LRRC71: variants seen among roughly 807,000 people sequenced by gnomAD.
The protein encoded by LRRC71 is leucine-rich repeat-containing protein 71.
LRRC71 carries 54 observed loss-of-function variants against 66.6 expected under a neutral mutation model. That is an observed-to-expected ratio of 0.81 (90% CI 0.65 to 1.02). The LOEUF (loss-of-function observed/expected upper bound fraction) is 1.02. Ranked by LOEUF, LRRC71 falls within the 50% of genes least tolerant of loss-of-function variation. The pLI, the probability that LRRC71 is intolerant of heterozygous loss-of-function variation, is 0.00. For missense variants in LRRC71, 724 were observed against 718.0 expected (o/e 1.01, Z -0.10); for synonymous variants, 323 against 303.9 (o/e 1.06, Z -0.65).
chr1:156,929,642 G>T lies in LRRC71; in HGVS notation c.1153G>T (p.Ala385Ser). 1.3e-6 allele frequency: 2 copies of T among 1,584,302 alleles called. No individual in the cohort carries two copies. The highest frequency in any genetic ancestry group is 1.7e-6 in the Non-Finnish European group (2 of 1,165,292). ...CTTCTCACATTCTCCACAGGAATTG[G>T]CCAAGAAAGAGGAGAAGTTGGGGTC... Reference protein sequence around the residue: ...GKKKEKSWELAKKEEKLGSGQ... With the variant: ...GKKKEKSWELSKKEEKLGSGQ... The change falls in exon 11 of 15, where the codon GCC (alanine) becomes TCC (serine). Residue 385 changes from alanine (A) to serine (S), a missense_variant. Transcript: ENST00000337428.
the LRRC71 span, chr1:156,938,465 T>G: frequency 6.2e-7 from 1 of 1,613,892 alleles, no homozygotes; most frequent in Non-Finnish European, 8.5e-7. Context: ...AGGCTCTGAC[T>G]GGCCACTCTC....
intron 9 of LRRC71, among the ~76,000 whole-genome samples, chr1:156,928,487 C>T (rs867320071): frequency 1.5e-5 from 2 of 129,660 alleles, no homozygotes; most frequent in African/African-American, 3.5e-5. Flanking sequence ...TCTTCCTCCT[C>T]CTCCTCTTCT....
the LRRC71 span, chr1:156,939,400 G>A: frequency 1.9e-6 from 2 of 1,057,810 alleles, no homozygotes; most frequent in South Asian, 1.5e-5. Context: ...GCCTGATATC[G>A]GCGTTGTCTC....
At chr1:156,924,896 GGC>G in intron 4 of LRRC71, 40 bp from the exon 5 acceptor site, 1 of 1,548,488 alleles carries the variant, frequency 6.5e-7, no homozygotes, top group Non-Finnish European at 8.7e-7. Flanking sequence ...AGTAGGAGGG[GGC>G]GCTCTAGCTC....
chr1:156,920,946 A>C lies in LRRC71; in HGVS notation c.143A>C (p.Glu48Ala). The change falls in exon 1 of 15, where the codon GAG (glutamate) becomes GCG (alanine). Residue 48 changes from glutamate to alanine, a missense_variant. Glu to Ala is a moderately radical substitution (Grantham distance 107, BLOSUM62 -1). Transcript: ENST00000337428. The surrounding 1 kb of genome is among the most constrained non-coding windows in gnomAD (Gnocchi z 4.9). Reference protein sequence around the residue: ...PATVLPPVGEEEPKSPEEYQC... With the variant: ...PATVLPPVGEAEPKSPEEYQC... ...ACCGTTCTGCCTCCCGTGGGGGAGGAGGAGCCCAAAAGCCCTGGTACGCTG... is the reference window on the plus strand; with the variant it reads ...ACCGTTCTGCCTCCCGTGGGGGAGGCGGAGCCCAAAAGCCCTGGTACGCTG... 6.5e-7 allele frequency: 1 copy of C among 1,533,278 alleles called. No homozygotes were observed. Among genetic ancestry groups the C allele is most frequent in the Non-Finnish European group, 8.8e-7 (1 of 1,138,390 alleles). 95.0% of individuals were successfully genotyped at this position (1,533,278 alleles called of 1,614,324 possible). A position where few individuals can be genotyped will look rare whatever the true frequency, so the allele number is the denominator to read the frequency against.
chr1:156,930,060 T>TTCTTTCTCTTTCTTTCTTTTTCTTTC (rs746194831), intron 11 of LRRC71, among the ~76,000 whole-genome samples: 1 of 126,234 alleles, frequency 7.9e-6, no homozygotes, highest in Non-Finnish European at 1.6e-5. Context: ...CTTTCTTTCT[T>TTCTTTCTCTTTCTTTCTTTTTCTTTC]TTTCTTTCTT....
At chr1:156,933,851 A>G (rs1421701745), downstream of LRRC71, among the ~76,000 whole-genome samples, 2 of 152,170 alleles carry the variant, frequency 1.3e-5, no homozygotes, top group Non-Finnish European at 2.9e-5. Context: ...AACCTGTTCC[A>G]CATTCTCTAG....
Position 156,927,647 on chromosome 1 carries a change from A to T in LRRC71, c.814A>T (p.Ile272Phe). The change falls in exon 7 of 15, where the codon ATC becomes TTC. Residue 272 changes from isoleucine to phenylalanine, a missense_variant. Physicochemically the swap from Ile to Phe is conservative, Grantham distance 21. Coordinates refer to ENST00000337428, the MANE Select transcript of LRRC71 (RefSeq NM_144702.3). ...CATCGGTGACGAGGGCGCAGGCTACATCGCGGACGTGAGTGCACGGCGGGG... is the reference window on the plus strand; with the variant it reads ...CATCGGTGACGAGGGCGCAGGCTACTTCGCGGACGTGAGTGCACGGCGGGG... ...NHIGDEGAGYIADGLRLNRSL... is the reference protein window; with the variant it reads ...NHIGDEGAGYFADGLRLNRSL... The T allele has an allele frequency of 6.8e-6, 11 of 1,606,748 alleles. No homozygotes were observed. The highest frequency in any genetic ancestry group is 9.3e-6 in the Non-Finnish European group (11 of 1,177,414).
chr1:156,935,712 G>A (rs1299042147), downstream of LRRC71: 12 of 424,684 alleles, frequency 2.8e-5, no homozygotes, highest in East Asian at 2.0e-4. Context: ...TATGTGGGGT[G>A]AGGGCAGACC....
At position 156,933,004 on chromosome 1, in the gene LRRC71, C is replaced by A; in HGVS notation, c.*35C>A. 2 of 1,489,184 alleles carry A rather than the reference C, an allele frequency of 1.3e-6. No homozygotes were observed. The highest frequency in any genetic ancestry group is 1.8e-6 in the Non-Finnish European group (2 of 1,092,662). The allele number at this position is 1,489,184 out of a possible 1,614,324, so 92.2% of individuals were successfully genotyped here. A position where few individuals can be genotyped will look rare whatever the true frequency, so the allele number is the denominator to read the frequency against. ...ACCTGCTTGCCTCTAAGACTCGGGG[C>A]TACAGAAGCACCTCCTGTCCCTGTG... is the stretch of plus-strand genomic sequence containing the variant. On this transcript the variant is annotated 3_prime_UTR_variant, in exon 15 of 15. Coordinates refer to ENST00000337428, the MANE Select transcript of LRRC71 (RefSeq NM_144702.3).
rs1390610748 is a variant in LRRC71, at chr1:156,920,897, C to T, written c.94C>T (p.Arg32Cys). The T allele has an allele frequency of 3.2e-6, 5 of 1,540,164 alleles. No homozygotes were observed. The South Asian group carries it at 3.7e-5, about 11-fold the overall frequency. The change falls in exon 1 of 15, where the codon CGC becomes TGC. Residue 32 changes from arginine to cysteine, a missense_variant. Arg to Cys is a radical substitution (Grantham distance 180). Coordinates refer to ENST00000337428, the MANE Select transcript of LRRC71 (RefSeq NM_144702.3). The surrounding 1 kb of genome is among the most constrained non-coding windows in gnomAD (Gnocchi z 4.9). Reference protein sequence around the residue: ...SSGAVTKKGERAAKEKPATVL... With the variant: ...SSGAVTKKGECAAKEKPATVL... ...TGGCGCGGTGACCAAAAAGGGAGAG[C>T]GCGCGGCCAAAGAGAAGCCAGCGAC... is the stretch of plus-strand genomic sequence containing the variant.
rs1652855252 is a variant in LRRC71, at chr1:156,924,315, C to G, written c.311-109C>G. 3 of 1,429,912 alleles carry G rather than the reference C, an allele frequency of 2.1e-6. No homozygotes were observed. The African/African-American group carries it at 4.3e-5, about 20-fold the overall frequency. 88.6% of individuals were successfully genotyped at this position (1,429,912 alleles called of 1,614,324 possible). ...CGGAGAGGCAGAGTCCGCAGGCCGG[C>G]GCCTCCCCTCTGGCGGTGTCCTCCA... On this transcript the variant is annotated intron_variant, in intron 2 of 14. Transcript: ENST00000337428.
downstream of LRRC71, chr1:156,936,758 C>T (rs182515234): frequency 5.8e-3 from 9,071 of 1,560,578 alleles, 42 homozygotes; most frequent in Non-Finnish European, 7.0e-3. Context: ...TGTGTCCTCA[C>T]GAGTTGGCAG....
chr1:156,927,819 G>C lies in LRRC71; in HGVS notation c.906+3G>C. On this transcript the variant is annotated splice_donor_region_variant and intron_variant, in intron 8 of 14. Coordinates refer to ENST00000337428, the MANE Select transcript of LRRC71 (RefSeq NM_144702.3). ...AGGGCGCCCTGAAGCTGGCTGAGGT[G>C]GGTGTGCCGATCAGGTGGGGCAGGG... 10 of 1,613,526 alleles carry C rather than the reference G, an allele frequency of 6.2e-6. No individual in the cohort carries two copies. The highest frequency in any genetic ancestry group is 8.5e-6 in the Non-Finnish European group (10 of 1,179,708).
chr1:156,936,953 G>A (rs1181892230), downstream of LRRC71: 1 of 1,614,142 alleles, frequency 6.2e-7, no homozygotes, highest in Non-Finnish European at 8.5e-7. Context: ...GGTGCCACCA[G>A]ATGACTCTCC....
At chr1:156,923,523 G>A (rs528003782) in intron 1 of LRRC71, among the ~76,000 whole-genome samples, 1 of 152,356 alleles carries the variant, frequency 6.6e-6, no homozygotes, top group African/African-American at 2.4e-5. Context: ...TGTAGGGAAG[G>A]AGTGGGAGTG....
At chr1:156,930,907 C>G (rs921612410) in intron 12 of LRRC71, among the ~76,000 whole-genome samples, 9 of 152,218 alleles carry the variant, frequency 5.9e-5, no homozygotes, top group African/African-American at 1.9e-4. Context: ...GGCTACTTCC[C>G]CAGAGGCCCA....
intron 12 of LRRC71, 125 bp from the exon 13 acceptor site, chr1:156,931,791 G>A: frequency 1.4e-6 from 1 of 731,756 alleles, no homozygotes; most frequent in Non-Finnish European, 2.3e-6. Flanking sequence ...TGTATCCCCA[G>A]CACTTGGGAC....
In LRRC71 at chr1:156,920,796, A is replaced by C. The variant is rs1242341630; in HGVS notation, c.-8A>C. ...GAAGGTCCCAGAGACGCTGCGGACAACACCAGCATGTCGAGCGAGCAGAGC... is the reference window on the plus strand; with the variant it reads ...GAAGGTCCCAGAGACGCTGCGGACACCACCAGCATGTCGAGCGAGCAGAGC... On this transcript the variant is annotated 5_prime_UTR_variant, in exon 1 of 15. Transcript: ENST00000337428. This position sits in a 1 kb window ranked among gnomAD's most constrained non-coding sequence, Gnocchi z 4.9. 1.3e-6 allele frequency: 2 copies of C among 1,514,376 alleles called. No individual in the cohort carries two copies. Among genetic ancestry groups the C allele is most frequent in the Non-Finnish European group, 1.8e-6 (2 of 1,128,494 alleles). The allele number at this position is 1,514,376 out of a possible 1,614,324, so 93.8% of individuals were successfully genotyped here. A position where few individuals can be genotyped will look rare whatever the true frequency, so the allele number is the denominator to read the frequency against.
Sources: allele counts gnomAD v4.1 joint callset (sites outside exome capture counted in the v4.1 genomes callset), GRCh38; gene constraint gnomAD v4.1.1; non-coding constraint Gnocchi (gnomAD v3.1); transcripts MANE v1.5; gene names NCBI Gene and HGNC (gene_info 2026-07-23, HGNC 2026-07-21).